GCLC: variants seen among roughly 807,000 people sequenced by gnomAD.
GCLC encodes the protein glutamate--cysteine ligase catalytic subunit.
GCLC carries 30 observed loss-of-function variants against 81.5 expected under a neutral mutation model. The observed-to-expected ratio is 0.37, with a 90% CI of 0.28 to 0.50. The LOEUF is 0.50. GCLC is among the 20% of genes least tolerant of loss of function. The pLI is 0.96. For synonymous variants in GCLC, 262 were observed against 273.3 expected, an observed-to-expected ratio of 0.96 and a Z score of 0.41; for missense variants, 556 against 777.4, an observed-to-expected ratio of 0.72 and a Z score of 3.39.
At chr6:53,537,482 T>C (rs1368336698) in intron 1 of GCLC, among the ~76,000 whole-genome samples, 1 of 152,202 alleles carries the variant, frequency 6.6e-6, no homozygotes, top group Admixed American at 6.5e-5. Context: ...TGAGCCTGTG[T>C]CAATGCGTTT....
chr6:53,505,604 C>T (rs1764598983), intron 11 of GCLC, 108 bp from the exon 12 acceptor site: 1 of 763,142 alleles, frequency 1.3e-6, no homozygotes, highest in Non-Finnish European at 2.4e-6. Flanking sequence ...TCTCCTAATT[C>T]CCCATCTGGG....
intron 12 of GCLC, among the ~76,000 whole-genome samples, chr6:53,502,205 A>T (rs939803453): frequency 6.6e-6 from 1 of 152,174 alleles, no homozygotes; most frequent in African/African-American, 2.4e-5. Flanking sequence ...ATATACGCAT[A>T]CAACCAAGCT....
chr6:53,524,094 G>C (rs965283930), intron 1 of GCLC, among the ~76,000 whole-genome samples: 3 of 152,210 alleles, frequency 2.0e-5, no homozygotes, highest in African/African-American at 4.8e-5. Flanking sequence ...CTCAGAATGG[G>C]TATGTGAAAA....
chr6:53,513,887 T>C (rs1363831445), intron 6 of GCLC: 2 of 318,718 alleles, frequency 6.3e-6, no homozygotes, highest in East Asian at 1.4e-4. Context: ...GAGATGGCAG[T>C]AAAAACTAGG....
At chr6:53,542,414 T>C (rs1324983075) in intron 1 of GCLC, among the ~76,000 whole-genome samples, 1 of 152,192 alleles carries the variant, frequency 6.6e-6, no homozygotes, top group African/African-American at 2.4e-5. Context: ...ACTCTTCAGC[T>C]CTTCCCACTT....
intron 1 of GCLC, among the ~76,000 whole-genome samples, chr6:53,526,909 C>CAACAATG (rs942063052): frequency 1.3e-5 from 2 of 151,848 alleles, no homozygotes; most frequent in Admixed American, 1.3e-4. Context: ...GGAAACAATA[C>CAACAATG]AGTTCTATAA....
chr6:53,544,502 G>C lies in GCLC; in HGVS notation c.144C>G (p.Gly48=), dbSNP rs367759738. ...GGGGACCGCGGGCGCTCACCTCATC[G>C]CCCCACTTGAGAACGTCCTTGTGCC... The part of the protein sequence containing the change: ...KDRHKDVLKW[G]DEVEYMLVSF... Residue 48 remains glycine, a synonymous_variant, in exon 1 of 16, where the codon GGC becomes GGG. Transcript: ENST00000650454. 2.5e-6 allele frequency: 4 copies of C among 1,607,674 alleles called. No individual in the cohort carries two copies. In the Admixed American group the frequency reaches 6.7e-5, roughly 27 times the overall value.
At chr6:53,508,871 ATCCAGTTCCTTGGGTTTGAT>A (rs1035176872) in intron 7 of GCLC, among the ~76,000 whole-genome samples, 160 bp from the exon 8 acceptor site, 2 of 152,244 alleles carry the variant, frequency 1.3e-5, no homozygotes, top group Admixed American at 1.3e-4. Flanking sequence ...ACCAGGAAGA[ATCCAGTTCCTTGGGTTTGAT>A]TCACTTAAAT....
intron 12 of GCLC, among the ~76,000 whole-genome samples, chr6:53,504,299 C>G (rs2127619941): frequency 6.6e-6 from 1 of 152,188 alleles, no homozygotes; most frequent in African/African-American, 2.4e-5. Context: ...AATCCTCCTG[C>G]CTCAGCCTCC....
chr6:53,522,384 A>T, intron 2 of GCLC, 31 bp downstream of exon 2: 1 of 1,253,026 alleles, frequency 8.0e-7, no homozygotes, highest in Non-Finnish European at 1.2e-6. Flanking sequence ...TAGCAGTTTC[A>T]GAAACACTAA....
At chr6:53,537,336 AAGAT>A (rs1763272780) in intron 1 of GCLC, among the ~76,000 whole-genome samples, 1 of 152,236 alleles carries the variant, frequency 6.6e-6, no homozygotes, top group Admixed American at 6.5e-5. Context: ...ACAGCTAAAA[AAGAT>A]AGAGAGATGC....
At chr6:53,527,956 T>C (rs780000466) in intron 1 of GCLC, among the ~76,000 whole-genome samples, 3 of 152,200 alleles carry the variant, frequency 2.0e-5, no homozygotes, top group Non-Finnish European at 2.9e-5. Flanking sequence ...AGTCACCCTC[T>C]AGGTTATAAA....
In GCLC at chr6:53,544,911, C is replaced by G. The variant is rs866739312; in HGVS notation, c.-266G>C. The G allele has an allele frequency of 3.5e-6, 1 of 283,466 alleles. No homozygotes were observed. 17.6% of individuals were successfully genotyped at this position (283,466 alleles called of 1,614,324 possible). ...AGAGCAGGCGGGACGGCTCTCGGCC[C>G]GGCGGCCTCGCCCTCCCCGCTGCTC... On this transcript the variant is annotated 5_prime_UTR_variant, in exon 1 of 16. Transcript: ENST00000650454.
At position 53,497,749 on chromosome 6, in the gene GCLC, C is replaced by T. The variant is rs1165356884; in HGVS notation, c.*1007G>A. 1.3e-5 allele frequency: 2 copies of T among 152,532 alleles called. No individual in the cohort carries two copies. Among genetic ancestry groups the T allele is most frequent in the African/African-American group, 4.8e-5 (2 of 41,402 alleles). The allele number at this position is 152,532 out of a possible 1,614,324, so 9.4% of individuals were successfully genotyped here. A position where few individuals can be genotyped will look rare whatever the true frequency, so the allele number is the denominator to read the frequency against. ...CTGATTTACAAAACTCAGTGCCTTT[C>T]ATGATTTATTGATGAGTTTTATAGA... On this transcript the variant is annotated 3_prime_UTR_variant, in exon 16 of 16. Transcript: ENST00000650454.
At position 53,498,461 on chromosome 6, in the gene GCLC, G is replaced by C. The variant is rs561819539; in HGVS notation, c.*295C>G. On this transcript the variant is annotated 3_prime_UTR_variant, in exon 16 of 16. Coordinates refer to ENST00000650454, the MANE Select transcript of GCLC (RefSeq NM_001498.4). ...CAATTACCAGTACATTTACAAAACT[G>C]CTTAGACAGTAGGTTGCTCCAGAGT... The C allele has an allele frequency of 5.3e-6, 2 of 379,862 alleles. No individual in the cohort carries two copies. The highest frequency in any genetic ancestry group is 6.1e-5 in the South Asian group (2 of 32,618). 23.5% of individuals were successfully genotyped at this position (379,862 alleles called of 1,614,324 possible).
At chr6:53,544,232 C>T (rs1763406734) in intron 1 of GCLC, among the ~76,000 whole-genome samples, 2 of 152,212 alleles carry the variant, frequency 1.3e-5, no homozygotes, top group South Asian at 4.1e-4. Context: ...TCACGCCCTC[C>T]CAGCGCCCAA....
Position 53,498,501 on chromosome 6 carries a change from G to A in GCLC, c.*255C>T. ...TGCTCCAGAGTAAGAATTTAAAAAT[G>A]TACAAGCCAGTTCATGATGACTTTA... On this transcript the variant is annotated 3_prime_UTR_variant, in exon 16 of 16. Coordinates refer to ENST00000650454, the MANE Select transcript of GCLC (RefSeq NM_001498.4). The A allele has an allele frequency of 2.1e-6, 1 of 475,958 alleles. No homozygotes were observed. The highest frequency in any genetic ancestry group is 3.8e-6 in the Non-Finnish European group (1 of 263,966). 29.5% of individuals were successfully genotyped at this position (475,958 alleles called of 1,614,324 possible).
chr6:53,532,456 A>G (rs1763190108), intron 1 of GCLC, among the ~76,000 whole-genome samples: 1 of 152,200 alleles, frequency 6.6e-6, no homozygotes, highest in Non-Finnish European at 1.5e-5. Flanking sequence ...CTATTTGAGT[A>G]GTGGAGCCAA....
intron 6 of GCLC, among the ~76,000 whole-genome samples, chr6:53,511,201 T>TGTG (rs1554151845): frequency 4.6e-5 from 5 of 108,088 alleles, no homozygotes; most frequent in Non-Finnish European, 6.3e-5. Context: ...AAAAAAAAAG[T>TGTG]GGGGGGGGGG....
Sources: gnomAD v4.1 joint callset for allele counts (sites outside exome capture counted in the v4.1 genomes callset) on GRCh38, gnomAD v4.1.1 for gene constraint, MANE v1.5 for transcripts, NCBI Gene and HGNC (gene_info 2026-07-23, HGNC 2026-07-21) for gene names.